FANCD2OS: variants seen among roughly 807,000 people sequenced by gnomAD.
FANCD2OS encodes the protein FANCD2 opposite strand, also known as FANCD2 opposite strand protein.
A neutral mutation model predicts 13.2 loss-of-function variants in FANCD2OS; 11 were observed. That is an observed-to-expected ratio of 0.83 (90% CI 0.52 to 1.38). The LOEUF is 1.38. FANCD2OS is among the 40% of genes most tolerant of loss of function. The pLI, the probability that FANCD2OS is intolerant of heterozygous loss-of-function variation, is 0.00. For missense variants in FANCD2OS, 217 were observed against 213.9 expected, an observed-to-expected ratio of 1.01 and a Z score of -0.09; for synonymous variants, 69 against 84.5, an observed-to-expected ratio of 0.82 and a Z score of 1.01.
downstream of FANCD2OS, among the ~76,000 whole-genome samples, chr3:10,097,949 C>T (rs1447726210): frequency 2.0e-5 from 3 of 151,972 alleles, 1 homozygote; most frequent in Non-Finnish European, 4.4e-5. Flanking sequence ...CCTGACTTCC[C>T]GCAACAATCT....
downstream of FANCD2OS, among the ~76,000 whole-genome samples, chr3:10,098,402 T>G (rs1320088613): frequency 6.6e-6 from 1 of 152,164 alleles, no homozygotes; most frequent in African/African-American, 2.4e-5. Flanking sequence ...TTAAGGTATT[T>G]GGGAAATTTT....
At chr3:10,098,834 C>A (rs756674236), downstream of FANCD2OS, 1 of 1,614,162 alleles carries the variant, frequency 6.2e-7, no homozygotes, top group African/African-American at 1.3e-5. Flanking sequence ...ACAAAACCCA[C>A]CAGAGTCTGG....
intron 2 of FANCD2OS, among the ~76,000 whole-genome samples, chr3:10,082,891 A>G (rs1693931832): frequency 6.6e-6 from 1 of 152,076 alleles, no homozygotes; most frequent in South Asian, 2.1e-4. Context: ...CCTGACAAAA[A>G]CTTTGAACAA....
intron 2 of FANCD2OS, among the ~76,000 whole-genome samples, chr3:10,082,966 C>G (rs1575828277): frequency 6.6e-6 from 1 of 152,160 alleles, no homozygotes; most frequent in East Asian, 1.9e-4. Flanking sequence ...GTGGCTTATG[C>G]CTGTAATCCC....
intron 2 of FANCD2OS, chr3:10,092,250 A>C (rs777057249): frequency 1.2e-6 from 2 of 1,610,744 alleles, no homozygotes; most frequent in East Asian, 4.5e-5. Context: ...CAACTTGATA[A>C]AGGTGAGTAT....
Position 10,104,070 on chromosome 3 carries a change from C to T in FANCD2OS, c.*171G>A. On this transcript the variant is annotated 3_prime_UTR_variant, in exon 2 of 2. Coordinates refer to ENST00000450660, the MANE Select transcript of FANCD2OS (RefSeq NM_001164839.2). ...TTCTTCCTTGTTCTCTATCATTGGT[C>T]CTTTTTTGGAGGGGAAGGGATGAAA... 1.6e-6 allele frequency: 1 copy of T among 613,194 alleles called. No individual in the cohort carries two copies. The highest frequency in any genetic ancestry group is 2.8e-6 in the Non-Finnish European group (1 of 357,352). The allele number at this position is 613,194 out of a possible 1,614,324, so 38.0% of individuals were successfully genotyped here. A position where few individuals can be genotyped will look rare whatever the true frequency, so the allele number is the denominator to read the frequency against.
chr3:10,107,899 T>G (rs1695545958), intron 1 of FANCD2OS, 116 bp downstream of exon 1: 1 of 152,252 alleles, frequency 6.6e-6, no homozygotes, highest in Non-Finnish European at 1.5e-5. Context: ...CTACAAAGTC[T>G]GCTCAAGCTG....
At chr3:10,106,636 G>A (rs908799494) in intron 1 of FANCD2OS, among the ~76,000 whole-genome samples, 1 of 152,144 alleles carries the variant, frequency 6.6e-6, no homozygotes, top group Admixed American at 6.5e-5. Flanking sequence ...ACTGTTGGCC[G>A]GGCACAGTGG....
In FANCD2OS at chr3:10,093,268, G is replaced by T. The variant is rs369702202; in HGVS notation, c.*43+10930C>A. ...GAGCAGATCTCAGCCTTGGTTTCTT[G>T]TCTTTCACCTCTCCAGGTATTTGAT... On this transcript the variant is annotated intron_variant, in intron 2 of 2. Transcript: ENST00000524279. 305 of 1,611,940 alleles carry T rather than the reference G, an allele frequency of 1.9e-4. 1 individual carries two copies. The highest frequency in any genetic ancestry group is 1.5e-3 in the South Asian group (134 of 91,048).
intron 2 of FANCD2OS, among the ~76,000 whole-genome samples, chr3:10,095,562 T>C (rs1694904417): frequency 6.6e-6 from 1 of 152,208 alleles, no homozygotes; most frequent in Admixed American, 6.5e-5. Context: ...TGCAAAGTCC[T>C]CTAGGTAACA....
intron 1 of FANCD2OS, among the ~76,000 whole-genome samples, chr3:10,105,772 T>TTATATATATATA (rs574690780): frequency 4.4e-5 from 1 of 22,648 alleles, no homozygotes; most frequent in Non-Finnish European, 7.7e-5. Context: ...AAAAAAAAAA[T>TTATATATATATA]TATATATATA....
intron 1 of FANCD2OS, among the ~76,000 whole-genome samples, chr3:10,105,774 A>T (rs1227459378): frequency 8.7e-4 from 8 of 9,172 alleles, no homozygotes; most frequent in South Asian, 4.0e-3. Flanking sequence ...AAAAAAAATT[A>T]TATATATATA....
intron 2 of FANCD2OS, chr3:10,086,044 A>G: frequency 1.4e-6 from 1 of 720,988 alleles, no homozygotes; most frequent in South Asian, 1.4e-5. Flanking sequence ...ATTTTCAGCT[A>G]CTCTCCTCAT....
At chr3:10,090,294 A>G in intron 2 of FANCD2OS, 1 of 1,612,842 alleles carries the variant, frequency 6.2e-7, no homozygotes. Context: ...TCTTCTAGGC[A>G]TACTTTTGTT....
intron 2 of FANCD2OS, among the ~76,000 whole-genome samples, chr3:10,097,400 G>C (rs1024321457): frequency 6.6e-6 from 1 of 152,166 alleles, no homozygotes; most frequent in African/African-American, 2.4e-5. Flanking sequence ...GGTACACCCG[G>C]GGGGGCCCAG....
chr3:10,102,883 A>G (rs1456620904), downstream of FANCD2OS: 1 of 184,126 alleles, frequency 5.4e-6, no homozygotes, highest in Non-Finnish European at 1.2e-5. Flanking sequence ...ATAAAATAAA[A>G]AAGCAGCATC....
At position 10,104,381 on chromosome 3, in the gene FANCD2OS, T is replaced by G; in HGVS notation, c.394A>C (p.Arg132=). The G allele has an allele frequency of 6.2e-7, 1 of 1,614,222 alleles. No individual in the cohort carries two copies. Among genetic ancestry groups the G allele is most frequent in the Non-Finnish European group, 8.5e-7 (1 of 1,180,032 alleles). Residue 132 remains arginine (R), a synonymous_variant, in exon 2 of 2, where the codon AGG becomes CGG. Transcript: ENST00000450660. The part of the protein sequence containing the change: ...DKSAFCKIIS[R]EHQWPIGLKE... Reference sequence around the variant, plus strand: ...AGTCCAATGGGCCACTGGTGCTCCCTGCTAATGATTTTGCAAAAGGCTGAC... The same window carrying G: ...AGTCCAATGGGCCACTGGTGCTCCCGGCTAATGATTTTGCAAAAGGCTGAC...
chr3:10,096,998 C>T (rs897916913), intron 2 of FANCD2OS, among the ~76,000 whole-genome samples: 3 of 152,016 alleles, frequency 2.0e-5, no homozygotes, highest in African/African-American at 7.2e-5. Context: ...TAAAGCTGGG[C>T]GTCCGGGGGA....
At chr3:10,101,666 A>G, downstream of FANCD2OS, 1 of 291,824 alleles carries the variant, frequency 3.4e-6, no homozygotes, top group Non-Finnish European at 6.6e-6. Flanking sequence ...TACAGGCATG[A>G]GCCACCGCTC....
Sources: allele counts gnomAD v4.1 joint callset (sites outside exome capture counted in the v4.1 genomes callset), GRCh38; gene constraint gnomAD v4.1.1; transcripts MANE v1.5; gene names NCBI Gene and HGNC (gene_info 2026-07-23, HGNC 2026-07-21).